Variants in TUB observed in about 807,000 individuals in gnomAD.
TUB encodes tubby protein homolog.
A neutral mutation model predicts 59.7 loss-of-function variants in TUB; 33 were observed. The observed-to-expected ratio is 0.55, with a 90% CI of 0.42 to 0.74. TUB has a LOEUF of 0.74. TUB is among the 30% of genes least tolerant of loss of function. The probability of loss-of-function intolerance (pLI) is 0.00; values close to 1 mark genes in which losing one functional copy is unlikely to be tolerated. For synonymous variants in TUB, 293 were observed against 256.4 expected (o/e 1.14, Z -1.36); for missense variants, 659 against 672.0 (o/e 0.98, Z 0.21).
chr11:8,092,152 AAGAC>A (rs1376607379), intron 3 of TUB, among the ~76,000 whole-genome samples: 6 of 152,338 alleles, frequency 3.9e-5, no homozygotes, highest in Admixed American at 2.6e-4. Flanking sequence ...CTGAAGTCAA[AAGAC>A]AGTTTCTGTG....
Position 8,039,000 on chromosome 11 carries a change from C to T in TUB, c.127C>T (p.Pro43Ser), listed in dbSNP as rs375735347. 48 of 1,613,620 alleles carry T rather than the reference C, an allele frequency of 3.0e-5. No homozygotes were observed. In the Middle Eastern group the frequency reaches 5.1e-4, roughly 17 times the overall value. ...TTCAAAGCAGCACAGGAAACCTGGG[C>T]CCCTGAAACGGGGCCACCGAAGAGA... The change falls in exon 1 of 13, where the codon CCC becomes TCC. Residue 43 changes from proline (P) to serine (S), a missense_variant. Transcript: ENST00000305253.
intron 1 of TUB, 111 bp downstream of exon 1, chr11:8,081,659 A>T (rs1365513594): frequency 9.9e-6 from 12 of 1,216,382 alleles, no homozygotes; most frequent in Non-Finnish European, 1.2e-5. Flanking sequence ...CTATCCCAGC[A>T]CTGGGGCGCG....
intron 1 of TUB, among the ~76,000 whole-genome samples, chr11:8,033,226 G>T (rs1281176618): frequency 6.6e-6 from 1 of 152,144 alleles, no homozygotes; most frequent in African/African-American, 2.4e-5. Context: ...AACAAAAGCC[G>T]TTTCCTTGGT....
chr11:8,072,672 C>T (rs1943380263), intron 2 of TUB, among the ~76,000 whole-genome samples: 1 of 152,188 alleles, frequency 6.6e-6, no homozygotes, highest in African/African-American at 2.4e-5. Context: ...TCCTCACACA[C>T]TATGTGCAGT....
At chr11:8,073,777 G>A (rs1245854765) in intron 2 of TUB, among the ~76,000 whole-genome samples, 3 of 152,210 alleles carry the variant, frequency 2.0e-5, no homozygotes, top group African/African-American at 7.2e-5. Flanking sequence ...ATGCCCCCTG[G>A]GCAAGTGGGC....
At chr11:8,076,398 T>C (rs1408932554), upstream of TUB, 4 of 152,236 alleles carry the variant, frequency 2.6e-5, no homozygotes, top group East Asian at 7.7e-4. Flanking sequence ...CCCCAAAGGC[T>C]GTCTCTGAAA....
At chr11:8,049,561 G>GTATGTATATATATATATA (rs1554923412) in intron 2 of TUB, among the ~76,000 whole-genome samples, 5 of 124,256 alleles carry the variant, frequency 4.0e-5, no homozygotes, top group African/African-American at 1.3e-4. Context: ...GTATTATGTG[G>GTATGTATATATATATATA]TATATATATA....
At position 8,098,994 on chromosome 11, in the gene TUB, G is replaced by T. The variant is rs1308337194; in HGVS notation, c.1116+119G>T. 3 of 779,916 alleles carry T rather than the reference G, an allele frequency of 3.8e-6. No individual in the cohort carries two copies. The South Asian group carries it at 4.8e-5, about 12-fold the overall frequency. 48.3% of individuals were successfully genotyped at this position (779,916 alleles called of 1,614,324 possible). A position where few individuals can be genotyped will look rare whatever the true frequency, so the allele number is the denominator to read the frequency against. On this transcript the variant is annotated intron_variant, in intron 9 of 11. Coordinates refer to ENST00000299506, the MANE Select transcript of TUB (RefSeq NM_177972.3). ...GGGTAGACAAGGCTGTGTGGAGAGG[G>T]GCTGTCCTCTGTGGAGTGTTCCTGG... is the stretch of plus-strand genomic sequence containing the variant.
At chr11:8,033,416 G>A (rs1443076118) in intron 1 of TUB, among the ~76,000 whole-genome samples, 1 of 152,146 alleles carries the variant, frequency 6.6e-6, no homozygotes, top group East Asian at 1.9e-4. Flanking sequence ...CTGGCCTTTC[G>A]CCCAGTTTCA....
chr11:8,036,769 A>T (rs1942652970), upstream of TUB, among the ~76,000 whole-genome samples: 1 of 152,168 alleles, frequency 6.6e-6, no homozygotes, highest in South Asian at 2.1e-4. Flanking sequence ...CTGTTTGACC[A>T]TCTTTCCCCG....
At chr11:8,055,964 C>T (rs1040001232) in intron 2 of TUB, among the ~76,000 whole-genome samples, 1 of 152,184 alleles carries the variant, frequency 6.6e-6, no homozygotes, top group Admixed American at 6.5e-5. Flanking sequence ...CCTTAAGCCC[C>T]CAAGAGTCCC....
Position 8,085,055 on chromosome 11 carries a change from G to A in TUB, c.38+3507G>A, listed in dbSNP as rs7342187. 2.2e-3 allele frequency among the ~76,000 whole-genome samples: 330 copies of A among 152,214 alleles called. 3 individuals are homozygous for A. The highest frequency in any genetic ancestry group is 7.4e-3 in the African/African-American group (309 of 41,532). On this transcript the variant is annotated intron_variant, in intron 1 of 11. Transcript: ENST00000299506. Reference sequence around the variant, plus strand: ...ATCCTCCCACCACTTCCTTTGTTTTGTAGGGAGTAGTGGGACTCCTGACGC... The same window carrying A: ...ATCCTCCCACCACTTCCTTTGTTTTATAGGGAGTAGTGGGACTCCTGACGC...
chr11:8,041,929 G>T (rs1262999636), intron 2 of TUB, among the ~76,000 whole-genome samples: 1 of 152,162 alleles, frequency 6.6e-6, no homozygotes, highest in East Asian at 1.9e-4. Flanking sequence ...CCTGTGACCT[G>T]GGCCTGCTCC....
chr11:8,025,647 T>C lies in TUB; in HGVS notation c.56+6289T>C, dbSNP rs138457113. Among the ~76,000 whole-genome samples the C allele has an allele frequency of 2.9e-4, 44 of 152,380 alleles. No homozygotes were observed. In the East Asian group the frequency reaches 7.3e-3, roughly 25 times the overall value. ...TGTGATATTCTTCAATACTGTTGCA[T>C]AAATTAGTAGAGCATTTCCTTTTAT... On this transcript the variant is annotated intron_variant, in intron 1 of 11. Coordinates refer to the TUB transcript ENST00000534099.
At chr11:8,080,618 T>A (rs900667507), upstream of TUB, among the ~76,000 whole-genome samples, 1 of 152,224 alleles carries the variant, frequency 6.6e-6, no homozygotes, top group Non-Finnish European at 1.5e-5. Context: ...TCAAGGCTAC[T>A]GTGGAGATTA....
intron 5 of TUB, among the ~76,000 whole-genome samples, chr11:8,096,305 T>C (rs1224706243): frequency 6.6e-6 from 1 of 152,164 alleles, no homozygotes; most frequent in Non-Finnish European, 1.5e-5. Context: ...CTAATAGGCC[T>C]GAGGTCAGAA....
At chr11:8,098,936 G>T (rs1185233644) in intron 9 of TUB, 61 bp downstream of exon 9, 1 of 1,227,806 alleles carries the variant, frequency 8.1e-7, no homozygotes, top group African/African-American at 1.5e-5. Flanking sequence ...AGGACTTGAT[G>T]CCTGATCTAG....
At chr11:8,047,970 A>T (rs532679126) in intron 2 of TUB, among the ~76,000 whole-genome samples, 1 of 152,044 alleles carries the variant, frequency 6.6e-6, no homozygotes, top group Non-Finnish European at 1.5e-5. Flanking sequence ...AATTATTTAT[A>T]TCCTTCACTG....
At chr11:8,097,901 A>G in intron 8 of TUB, 75 bp downstream of exon 8, 1 of 1,158,920 alleles carries the variant, frequency 8.6e-7, no homozygotes, top group Non-Finnish European at 1.3e-6. Context: ...GAGGGCCTGA[A>G]TCTTCCTGAA....
Sources: gnomAD v4.1 joint callset for allele counts (sites outside exome capture counted in the v4.1 genomes callset) on GRCh38, gnomAD v4.1.1 for gene constraint, MANE v1.5 for transcripts, NCBI Gene and HGNC (gene_info 2026-07-23, HGNC 2026-07-21) for gene names.